Variants in SLC35F3 observed in about 807,000 individuals in gnomAD.
SLC35F3 encodes the protein solute carrier family 35 member F3, also known as putative thiamine transporter SLC35F3.
SLC35F3 carries 25 observed loss-of-function variants against 49.9 expected under a neutral mutation model. The ratio of observed to expected loss-of-function variants is 0.50; its 90% CI spans 0.37 to 0.70. The LOEUF (loss-of-function observed/expected upper bound fraction) is 0.70, where lower values mean the gene tolerates loss of function less well. Ranked by LOEUF, SLC35F3 falls within the 30% of genes least tolerant of loss-of-function variation. SLC35F3 has a pLI of 0.00. For synonymous variants in SLC35F3, 275 were observed against 265.4 expected, an observed-to-expected ratio of 1.04 and a Z score of -0.35; for missense variants, 525 against 639.8, an observed-to-expected ratio of 0.82 and a Z score of 1.94.
chr1:234,075,508 T>C (rs1664778700), intron 2 of SLC35F3, among the ~76,000 whole-genome samples: 1 of 152,242 alleles, frequency 6.6e-6, no homozygotes, highest in South Asian at 2.1e-4. Context: ...AGAATAAGAA[T>C]AGTTATTTTG....
At position 233,913,135 on chromosome 1, in the gene SLC35F3, G is replaced by A. The variant is rs146626002; in HGVS notation, c.283+7377G>A. Among the ~76,000 whole-genome samples, 232 of 152,286 alleles carry A rather than the reference G, an allele frequency of 1.5e-3. 1 individual carries two copies. Among genetic ancestry groups the A allele is most frequent in the African/African-American group, 5.2e-3 (218 of 41,564 alleles). Reference sequence around the variant, plus strand: ...ATATCAGTGAGTTCATTCTTCAGCTGGAGGAGTCATTCACAACAGAAATAG... The same window carrying A: ...ATATCAGTGAGTTCATTCTTCAGCTAGAGGAGTCATTCACAACAGAAATAG... On this transcript the variant is annotated intron_variant, in intron 2 of 7. Coordinates refer to ENST00000366618, the MANE Select transcript of SLC35F3 (RefSeq NM_173508.4).
chr1:234,265,344 T>C (rs1332976825), intron 3 of SLC35F3, among the ~76,000 whole-genome samples: 1 of 108,812 alleles, frequency 9.2e-6, no homozygotes, highest in Non-Finnish European at 2.0e-5. Flanking sequence ...CTTTTTCTTT[T>C]TGTTTTTTTG....
At chr1:234,228,118 A>C (rs1330580552) in intron 2 of SLC35F3, among the ~76,000 whole-genome samples, 2 of 152,196 alleles carry the variant, frequency 1.3e-5, no homozygotes, top group Non-Finnish European at 2.9e-5. Flanking sequence ...CAAACCTGGC[A>C]GTTTCTCCTG....
intron 2 of SLC35F3, among the ~76,000 whole-genome samples, chr1:234,145,904 A>G (rs1462075888): frequency 6.6e-6 from 1 of 151,980 alleles, no homozygotes; most frequent in African/African-American, 2.4e-5. Flanking sequence ...CTTTGTATTT[A>G]TGATCATTGT....
At chr1:234,144,053 A>AT (rs1665959732) in intron 2 of SLC35F3, among the ~76,000 whole-genome samples, 1 of 151,850 alleles carries the variant, frequency 6.6e-6, no homozygotes. Flanking sequence ...GCAGTGAAGG[A>AT]TGAATGCTGG....
intron 3 of SLC35F3, among the ~76,000 whole-genome samples, chr1:234,286,897 C>CA (rs1271512482): frequency 6.6e-6 from 1 of 152,162 alleles, no homozygotes; most frequent in Non-Finnish European, 1.5e-5. Flanking sequence ...TGGCTGGGCA[C>CA]AGTTGCTTAT....
chr1:234,036,013 T>C lies in SLC35F3; in HGVS notation c.283+130255T>C, dbSNP rs144382167. 2.1e-4 allele frequency among the ~76,000 whole-genome samples: 32 copies of C among 152,352 alleles called. No individual in the cohort carries two copies. The East Asian group carries it at 6.0e-3, about 28-fold the overall frequency. Reference sequence around the variant, plus strand: ...GCACTATAAAGTTGATGGGAAGCTCTGAGCTCATGGGTTAGAATGGATGAC... The same window carrying C: ...GCACTATAAAGTTGATGGGAAGCTCCGAGCTCATGGGTTAGAATGGATGAC... On this transcript the variant is annotated intron_variant, in intron 2 of 7. Transcript: ENST00000366618.
At chr1:234,011,498 G>A (rs1663719610) in intron 2 of SLC35F3, among the ~76,000 whole-genome samples, 2 of 152,100 alleles carry the variant, frequency 1.3e-5, no homozygotes, top group South Asian at 4.1e-4. Flanking sequence ...GCAGCCCAGG[G>A]CACAAGGTGG....
At position 234,026,074 on chromosome 1, in the gene SLC35F3, G is replaced by T. The variant is rs112482319; in HGVS notation, c.283+120316G>T. Among the ~76,000 whole-genome samples, 619 of 152,244 alleles carry T rather than the reference G, an allele frequency of 4.1e-3. 3 individuals carry two copies. The highest frequency in any genetic ancestry group is 0.014 in the African/African-American group (589 of 41,554). Reference sequence around the variant, plus strand: ...GAATAGGGAGCCCTTTCCCCATTATGTACTGTTGACTTTATCAAAGATCAG... The same window carrying T: ...GAATAGGGAGCCCTTTCCCCATTATTTACTGTTGACTTTATCAAAGATCAG... On this transcript the variant is annotated intron_variant, in intron 2 of 7. Transcript: ENST00000366618.
intron 2 of SLC35F3, among the ~76,000 whole-genome samples, chr1:234,140,285 C>T (rs1319604172): frequency 6.6e-6 from 1 of 152,094 alleles, no homozygotes; most frequent in Non-Finnish European, 1.5e-5. Context: ...TTAATCATCT[C>T]GCATCATCAC....
rs982514499 is a variant in SLC35F3 at position 234,194,365 on chromosome 1, T to C, written c.284-37052T>C. ...AGGAATGAAAACAACAAACATCGCATGTTCTCACTCATAAGTGGGAGCTAA... is the reference window on the plus strand; with the variant it reads ...AGGAATGAAAACAACAAACATCGCACGTTCTCACTCATAAGTGGGAGCTAA... On this transcript the variant is annotated intron_variant, in intron 2 of 7. Transcript: ENST00000366618. Among the ~76,000 whole-genome samples the C allele has an allele frequency of 3.9e-5, 6 of 152,184 alleles. No individual in the cohort carries two copies. The East Asian group carries it at 9.6e-4, about 24-fold the overall frequency.
At chr1:234,152,111 T>G (rs1312284194) in intron 2 of SLC35F3, among the ~76,000 whole-genome samples, 1 of 139,568 alleles carries the variant, frequency 7.2e-6, no homozygotes, top group Non-Finnish European at 1.5e-5. Context: ...AGAAAAAAAT[T>G]TATTTGACAC....
intron 2 of SLC35F3, among the ~76,000 whole-genome samples, chr1:234,184,725 C>T (rs1666608837): frequency 1.3e-5 from 2 of 152,112 alleles, no homozygotes; most frequent in African/African-American, 2.4e-5. Context: ...GACTCAGCTC[C>T]GCAGGCCATG....
In SLC35F3 at chr1:234,008,520, T is replaced by C. The variant is rs142386946; in HGVS notation, c.283+102762T>C. On this transcript the variant is annotated intron_variant, in intron 2 of 7. Coordinates refer to ENST00000366618, the MANE Select transcript of SLC35F3 (RefSeq NM_173508.4). Reference sequence around the variant, plus strand: ...AAAGCCATTTGTTTACGAAGACTGCTATACAGTCTCCTTTTTCTGCACTAC... The same window carrying C: ...AAAGCCATTTGTTTACGAAGACTGCCATACAGTCTCCTTTTTCTGCACTAC... Among the ~76,000 whole-genome samples, 33 of 152,338 alleles carry C rather than the reference T, an allele frequency of 2.2e-4. No individual in the cohort carries two copies. The East Asian group carries it at 6.2e-3, about 28-fold the overall frequency.
At chr1:234,112,210 G>T in intron 2 of SLC35F3, among the ~76,000 whole-genome samples, 1 of 152,092 alleles carries the variant, frequency 6.6e-6, no homozygotes, top group East Asian at 1.9e-4. Context: ...AAGGAGCCAG[G>T]CATGGTGGTG....
chr1:234,237,628 A>T (rs1343079684), intron 3 of SLC35F3, among the ~76,000 whole-genome samples: 2 of 152,152 alleles, frequency 1.3e-5, no homozygotes, highest in Non-Finnish European at 2.9e-5. Flanking sequence ...TCCTATCAAC[A>T]GTTGTTCTTT....
At chr1:234,148,675 A>G (rs760068024) in intron 2 of SLC35F3, among the ~76,000 whole-genome samples, 17 of 152,210 alleles carry the variant, frequency 1.1e-4, no homozygotes, top group Non-Finnish European at 2.2e-4. Context: ...GCTGCTTTAC[A>G]AAGTATAGAT....
At chr1:234,181,501 A>G (rs1314973707) in intron 2 of SLC35F3, among the ~76,000 whole-genome samples, 1 of 152,154 alleles carries the variant, frequency 6.6e-6, no homozygotes, top group Non-Finnish European at 1.5e-5. Flanking sequence ...TTGCATCAGG[A>G]TCTAAATAAG....
chr1:234,185,949 G>A (rs561578108), intron 2 of SLC35F3, among the ~76,000 whole-genome samples: 12 of 152,158 alleles, frequency 7.9e-5, no homozygotes, highest in South Asian at 2.1e-4. Context: ...TGGTTTTAAC[G>A]TTCACTGTCT....
Sources: gnomAD v4.1 joint callset for allele counts (sites outside exome capture counted in the v4.1 genomes callset) on GRCh38, gnomAD v4.1.1 for gene constraint, MANE v1.5 for transcripts, NCBI Gene and HGNC (gene_info 2026-07-23, HGNC 2026-07-21) for gene names.